SYNE2: variants seen among roughly 807,000 people sequenced by gnomAD.
The protein encoded by SYNE2 is spectrin repeat containing nuclear envelope protein 2.
Under a neutral mutation model 856.3 loss-of-function variants are expected in SYNE2, and 431 were observed. That is an observed-to-expected ratio of 0.50 (90% confidence interval 0.47 to 0.55). SYNE2 has a LOEUF of 0.55. Ranked by LOEUF, SYNE2 falls within the 20% of genes least tolerant of loss-of-function variation. The pLI, the probability that SYNE2 is intolerant of heterozygous loss-of-function variation, is 0.00. For missense variants in SYNE2, 8,129 were observed against 8,023.2 expected (o/e 1.01, Z -0.50); for synonymous variants, 2,923 against 2,872.3 (o/e 1.02, Z -0.56).
At chr14:63,939,980 G>T (rs8022079) in intron 2 of SYNE2, among the ~76,000 whole-genome samples, 73,128 of 151,300 alleles carry the variant, frequency 0.48, 18,627 homozygotes, top group South Asian at 0.57. Flanking sequence ...TAAACGGTTT[G>T]GGCTTAAACT....
chr14:64,188,781 A>G, intron 98 of SYNE2, 73 bp downstream of exon 98: 2 of 1,481,218 alleles, frequency 1.4e-6, no homozygotes, highest in South Asian at 2.3e-5. Context: ...TCCTAAGCCC[A>G]AACAGGGGCA....
chr14:64,177,127 C>G (rs1303580132), intron 95 of SYNE2, among the ~76,000 whole-genome samples: 1 of 152,120 alleles, frequency 6.6e-6, no homozygotes, highest in Non-Finnish European at 1.5e-5. Flanking sequence ...CAAAGCCTAG[C>G]CTGGTGGTTG....
chr14:64,187,482 A>C (rs1345924722), intron 97 of SYNE2, among the ~76,000 whole-genome samples: 1 of 152,206 alleles, frequency 6.6e-6, no homozygotes, highest in Non-Finnish European at 1.5e-5. Context: ...ACTATTATGA[A>C]ATCAATCAGA....
Position 64,101,980 on chromosome 14 carries a change from T to G in SYNE2, c.12430T>G (p.Trp4144Gly). 1 of 1,614,156 alleles carries G rather than the reference T, an allele frequency of 6.2e-7. No individual in the cohort carries two copies. The highest frequency in any genetic ancestry group is 1.1e-5 in the South Asian group (1 of 91,084). ...ATCGCCTCAGTCTTGGTCTTCACTT[T>G]GGAAGCATGACAAGGACATGGAAGA... ...EPSPQSWSSL[W>G]KHDKDMEEDR... Residue 4144 changes from tryptophan to glycine, a missense_variant, in exon 64 of 116, where the codon TGG becomes GGG. This residue lies in a region of SYNE2 where 5,410 missense variants were observed against 5,284.8 expected (regional missense o/e 1.02). Coordinates refer to ENST00000555002, the MANE Select transcript of SYNE2 (RefSeq NM_182914.3).
At chr14:63,884,286 G>T (rs1449486445) in intron 1 of SYNE2, among the ~76,000 whole-genome samples, 1 of 152,202 alleles carries the variant, frequency 6.6e-6, no homozygotes, top group Non-Finnish European at 1.5e-5. Flanking sequence ...CTGTAGGAAA[G>T]GCTTTTCTTC....
At chr14:64,140,957 A>T (rs1030680334) in intron 80 of SYNE2, among the ~76,000 whole-genome samples, 2 of 151,858 alleles carry the variant, frequency 1.3e-5, no homozygotes, top group South Asian at 2.1e-4. Context: ...TAAAATGTAA[A>T]TTTTTTCAAC....
rs2098387002 is a variant in SYNE2 at position 64,167,514 on chromosome 14, T to A, written c.16780T>A (p.Leu5594Met). 2 of 1,614,096 alleles carry A rather than the reference T, an allele frequency of 1.2e-6. No individual in the cohort carries two copies. The highest frequency in any genetic ancestry group is 2.7e-5 in the African/African-American group (2 of 74,936). Residue 5594 changes from leucine (L) to methionine (M), a missense_variant, in exon 92 of 116, where the codon TTG becomes ATG. Transcript: ENST00000555002. ...TTGTAGTGAGCTTCAGGGAATTGGA[T>A]TGAATGAAAAGTTTCTTTATTGCTG... is the stretch of plus-strand genomic sequence containing the variant. ...ERCSELQGIGLNEKFLYCCEK... is the reference protein window; with the variant it reads ...ERCSELQGIGMNEKFLYCCEK...
chr14:63,847,948 G>A (rs1890285855), intron 1 of SYNE2, among the ~76,000 whole-genome samples: 1 of 151,920 alleles, frequency 6.6e-6, no homozygotes, highest in South Asian at 2.1e-4. Context: ...GTGCAGTGGT[G>A]CAATCTCAAC....
chr14:64,203,355 G>A (rs901208258), intron 100 of SYNE2, among the ~76,000 whole-genome samples: 1 of 152,130 alleles, frequency 6.6e-6, no homozygotes, highest in African/African-American at 2.4e-5. Context: ...TGTGTGTCTG[G>A]TACAGCTTTT....
At position 64,130,366 on chromosome 14, in the gene SYNE2, T is replaced by G. The variant is rs552167684; in HGVS notation, c.14340+118T>G. On this transcript the variant is annotated intron_variant, in intron 76 of 115. Transcript: ENST00000555002. ...TGTTGAAATTTAAGCTATTCATTCTTTTAATAAACATCTATTAGAATGCTT... is the reference window on the plus strand; with the variant it reads ...TGTTGAAATTTAAGCTATTCATTCTGTTAATAAACATCTATTAGAATGCTT... The G allele has an allele frequency of 6.4e-6, 6 of 939,764 alleles. No individual in the cohort carries two copies. In the South Asian group the frequency reaches 8.5e-5, roughly 13 times the overall value. The allele number at this position is 939,764 out of a possible 1,614,324, so 58.2% of individuals were successfully genotyped here.
intron 85 of SYNE2, 131 bp from the exon 86 acceptor site, chr14:64,158,494 T>A: frequency 2.1e-6 from 2 of 969,874 alleles, no homozygotes; most frequent in Non-Finnish European, 3.2e-6. Flanking sequence ...CCTTTCCACC[T>A]TCAGTTAATC....
At chr14:64,121,134 A>G (rs1595664047) in intron 68 of SYNE2, 73 bp downstream of exon 68, 1 of 1,597,786 alleles carries the variant, frequency 6.3e-7, no homozygotes, top group East Asian at 2.2e-5. Context: ...GCAAACCTAC[A>G]GTCCTAGCTA....
Position 64,209,960 on chromosome 14 carries a change from C to T in SYNE2, c.18559C>T (p.His6187Tyr), listed in dbSNP as rs773430274. Residue 6187 changes from histidine to tyrosine, a missense_variant, in exon 103 of 116, where the codon CAT (histidine) becomes TAT (tyrosine). Coordinates refer to ENST00000555002, the MANE Select transcript of SYNE2 (RefSeq NM_182914.3). The part of the protein sequence containing the change: ...KRFEAFQRQI[H>Y]ERLTQLELIN... ...GATGCAGGCCTTTCAGCGGCAGATT[C>T]ATGAGCGGCTCACTCAGCTGGAGCT... 3 of 1,614,112 alleles carry T rather than the reference C, an allele frequency of 1.9e-6. No homozygotes were observed. The highest frequency in any genetic ancestry group is 2.5e-6 in the Non-Finnish European group (3 of 1,180,030).
At chr14:63,788,173 T>C (rs1029057692) in intron 1 of SYNE2, among the ~76,000 whole-genome samples, 1 of 152,082 alleles carries the variant, frequency 6.6e-6, no homozygotes, top group Non-Finnish European at 1.5e-5. Flanking sequence ...ATTGGAGCCA[T>C]GCTGGGAGAG....
rs1442408848 is a variant in SYNE2 at position 63,909,145 on chromosome 14, A to G, written c.-4A>G. On this transcript the variant is annotated 5_prime_UTR_variant, in exon 2 of 116. Coordinates refer to ENST00000555002, the MANE Select transcript of SYNE2 (RefSeq NM_182914.3). Reference sequence around the variant, plus strand: ...ACATGATATAATCTCCATTGAGTCAAAGAATGGCATCTAGTCCTGAGCTTC... The same window carrying G: ...ACATGATATAATCTCCATTGAGTCAGAGAATGGCATCTAGTCCTGAGCTTC... The G allele has an allele frequency of 6.2e-7, 1 of 1,606,028 alleles. No individual in the cohort carries two copies. The highest frequency in any genetic ancestry group is 8.5e-7 in the Non-Finnish European group (1 of 1,172,828).
intron 63 of SYNE2, among the ~76,000 whole-genome samples, chr14:64,101,068 G>A (rs538261733): frequency 1.3e-5 from 2 of 152,170 alleles, no homozygotes; most frequent in Middle Eastern, 3.4e-3. Context: ...TGGACACTTA[G>A]GTTAATTCCG....
At chr14:64,099,484 G>T (rs73279552) in intron 63 of SYNE2, 2,965 of 155,134 alleles carry the variant, frequency 0.019, 103 homozygotes, top group African/African-American at 0.068. Flanking sequence ...AGAGTGTGTC[G>T]CTGGGACATG....
intron 2 of SYNE2, among the ~76,000 whole-genome samples, chr14:63,914,773 G>GTGTTT (rs369616920): frequency 5.5e-4 from 83 of 152,268 alleles, no homozygotes; most frequent in Middle Eastern, 3.4e-3. Flanking sequence ...TTTATTTAGT[G>GTGTTT]TGTTTTGTTT....
chr14:64,070,252 C>T (rs1197136379), intron 51 of SYNE2, among the ~76,000 whole-genome samples: 1 of 152,120 alleles, frequency 6.6e-6, no homozygotes, highest in African/African-American at 2.4e-5. Context: ...GAAAAGAGAC[C>T]AGCAGAAAAA....
Sources: allele counts gnomAD v4.1 joint callset (sites outside exome capture counted in the v4.1 genomes callset), GRCh38; gene constraint gnomAD v4.1.1; regional missense constraint gnomAD v4.1.1; transcripts MANE v1.5; gene names NCBI Gene and HGNC (gene_info 2026-07-23, HGNC 2026-07-21).